The following ASH1L variants were observed in gnomAD, a reference collection of about 807,000 sequenced individuals.
ASH1L encodes histone-lysine N-methyltransferase ASH1L.
In ASH1L, 23 loss-of-function variants were observed where a neutral mutation model predicts 269.0. The ratio of observed to expected loss-of-function variants is 0.09; its 90% CI spans 0.06 to 0.12. ASH1L has a LOEUF of 0.12. Among genes scored for constraint, ASH1L ranks in the 10% least tolerant of loss-of-function variants. The pLI, the probability that ASH1L is intolerant of heterozygous loss-of-function variation, is 1.00. For missense variants in ASH1L, 2,912 were observed against 3,567.8 expected (o/e 0.82, Z 4.68); for synonymous variants, 1,187 against 1,253.5 (o/e 0.95, Z 1.12).
chr1:155,420,223 G>C (rs1277811879), intron 5 of ASH1L, among the ~76,000 whole-genome samples: 1 of 151,680 alleles, frequency 6.6e-6, no homozygotes, highest in African/African-American at 2.4e-5. Context: ...TTCTCAGGAA[G>C]CTGAGGCAGG....
At chr1:155,459,998 A>G in intron 3 of ASH1L, 100 bp from the exon 4 acceptor site, 1 of 816,864 alleles carries the variant, frequency 1.2e-6, no homozygotes. Context: ...AGTTGCTGCC[A>G]CTGTCATCCC....
At chr1:155,520,547 C>T (rs545380824) in intron 2 of ASH1L, among the ~76,000 whole-genome samples, 104 of 152,068 alleles carry the variant, frequency 6.8e-4, no homozygotes, top group African/African-American at 2.4e-3. Flanking sequence ...AATCCCAGCA[C>T]TTTGGAGTTT....
intron 6 of ASH1L, among the ~76,000 whole-genome samples, chr1:155,406,510 C>G (rs1659304583): frequency 6.6e-6 from 1 of 152,096 alleles, no homozygotes; most frequent in Non-Finnish European, 1.5e-5. Flanking sequence ...TTCGAGACAG[C>G]CTGGGCAACA....
intron 15 of ASH1L, among the ~76,000 whole-genome samples, chr1:155,356,934 T>TAA (rs34364477): frequency 1.1e-4 from 16 of 141,484 alleles, no homozygotes; most frequent in East Asian, 1.0e-3. Context: ...ACAAAAAATT[T>TAA]AAAAAAAAAA....
intron 12 of ASH1L, among the ~76,000 whole-genome samples, chr1:155,367,993 TTTC>T (rs1456515444): frequency 6.6e-6 from 1 of 152,140 alleles, no homozygotes; most frequent in African/African-American, 2.4e-5. Context: ...ACTGCCATTA[TTTC>T]TTCTTCTTCG....
chr1:155,441,343 C>A (rs1301151871), intron 4 of ASH1L, among the ~76,000 whole-genome samples: 1 of 151,394 alleles, frequency 6.6e-6, no homozygotes, highest in Non-Finnish European at 1.5e-5. Flanking sequence ...TGGATTCAAG[C>A]TTCCAAGCTG....
chr1:155,451,797 C>T (rs974762700), intron 4 of ASH1L, among the ~76,000 whole-genome samples: 2 of 152,142 alleles, frequency 1.3e-5, no homozygotes, highest in African/African-American at 2.4e-5. Context: ...TCTCAGCTCA[C>T]GGCAGCCTCC....
chr1:155,554,876 T>C (rs571194231), intron 1 of ASH1L, among the ~76,000 whole-genome samples: 1 of 152,064 alleles, frequency 6.6e-6, no homozygotes, highest in African/African-American at 2.4e-5. Flanking sequence ...GTGTGGTGGC[T>C]CACACCTGTA....
intron 15 of ASH1L, 49 bp from the exon 16 acceptor site, chr1:155,354,679 A>G: frequency 1.3e-6 from 2 of 1,552,636 alleles, no homozygotes; most frequent in Non-Finnish European, 8.8e-7. Flanking sequence ...TTAAATAAGC[A>G]TGTATTACAT....
At chr1:155,498,875 G>T (rs1432169433) in intron 2 of ASH1L, among the ~76,000 whole-genome samples, 1 of 149,536 alleles carries the variant, frequency 6.7e-6, no homozygotes, top group Non-Finnish European at 1.5e-5. Context: ...TTCAGTTTGT[G>T]GCATATAATC....
intron 2 of ASH1L, among the ~76,000 whole-genome samples, chr1:155,502,743 C>T (rs1667595852): frequency 6.6e-6 from 1 of 152,060 alleles, no homozygotes; most frequent in Admixed American, 6.6e-5. Context: ...CTTTCCATTC[C>T]CTCATCCTCC....
Position 155,342,032 on chromosome 1 carries a change from C to G in ASH1L, c.8364G>C (p.Leu2788=), listed in dbSNP as rs746238598. The G allele has an allele frequency of 1.2e-6, 2 of 1,614,080 alleles. No homozygotes were observed. Among genetic ancestry groups the G allele is most frequent in the Non-Finnish European group, 1.7e-6 (2 of 1,180,022 alleles). The part of the protein sequence containing the change: ...CDYRLDKSAH[L]FYKIHRNRYP... ...AGCGGTTCCGGTGGATCTTGTAAAA[C>G]AGGTGTGCTGACTTGTCAAGCCGAT... Residue 2788 remains leucine, a synonymous_variant, in exon 25 of 28, where the codon CTG becomes CTC. Transcript: ENST00000392403.
intron 10 of ASH1L, among the ~76,000 whole-genome samples, chr1:155,376,061 G>A (rs556738765): frequency 1.3e-5 from 2 of 152,342 alleles, no homozygotes; most frequent in African/African-American, 4.8e-5. Context: ...CTGTGATGGC[G>A]ACACTGCACT....
intron 1 of ASH1L, among the ~76,000 whole-genome samples, chr1:155,527,906 G>T (rs1368583872): frequency 6.6e-6 from 1 of 151,970 alleles, no homozygotes; most frequent in African/African-American, 2.4e-5. Context: ...TCCTTTGCAG[G>T]TTCTTTCCTT....
At chr1:155,338,031 C>A in intron 27 of ASH1L, 58 bp downstream of exon 27, 1 of 1,522,438 alleles carries the variant, frequency 6.6e-7, no homozygotes, top group South Asian at 1.3e-5. Context: ...AATTTTTTTC[C>A]ATTCCCTCTC....
chr1:155,343,498 G>A lies in ASH1L; in HGVS notation c.8121-12C>T. 1 of 1,613,470 alleles carries A rather than the reference G, an allele frequency of 6.2e-7. No homozygotes were observed. The highest frequency in any genetic ancestry group is 8.5e-7 in the Non-Finnish European group (1 of 1,179,560). On this transcript the variant is annotated splice_polypyrimidine_tract_variant and intron_variant, in intron 23 of 27. Coordinates refer to ENST00000392403, the MANE Select transcript of ASH1L (RefSeq NM_018489.3). This position sits in a 1 kb window ranked among gnomAD's most constrained non-coding sequence, Gnocchi z 6.1. ...CAAACCGTTCCTCTCTAAAACAATG[G>A]AAAAGTGAGAAGGGAGAGGTTTAGC...
intron 6 of ASH1L, chr1:155,396,428 C>G (rs966293454): frequency 3.3e-5 from 5 of 152,060 alleles, no homozygotes; most frequent in African/African-American, 1.2e-4. Context: ...GGTTCTCCTG[C>G]CTTAGCTTCC....
intron 10 of ASH1L, among the ~76,000 whole-genome samples, chr1:155,375,914 G>A (rs979318635): frequency 6.6e-6 from 1 of 152,002 alleles, no homozygotes; most frequent in Non-Finnish European, 1.5e-5. Flanking sequence ...GCTAAGTATC[G>A]AGATCCCGTC....
rs10624841 is a variant in ASH1L, at chr1:155,545,175, CAAAAAAAAAAAAAA to C, written c.-100+16964_-100+16977del. Reference sequence around the variant, plus strand: ...CAAGAAGAGCAAAACTCCATCTCACCAAAAAAAAAAAAAAAAAAAAAAAAAAAAAAAAGCTATGT... The same window carrying C: ...CAAGAAGAGCAAAACTCCATCTCACCAAAAAAAAAAAAAAAAAAGCTATGT... On this transcript the variant is annotated intron_variant, in intron 1 of 27. Transcript: ENST00000392403. 4.7e-3 allele frequency among the ~76,000 whole-genome samples: 103 copies of C among 21,780 alleles called. 1 individual carries two copies. The highest frequency in any genetic ancestry group is 0.019 in the African/African-American group (89 of 4,636). The allele number at this position is 21,780 out of a possible 152,430, so 14.3% of individuals were successfully genotyped here.
Sources: gnomAD v4.1 joint callset for allele counts (sites outside exome capture counted in the v4.1 genomes callset) on GRCh38, gnomAD v4.1.1 for gene constraint, Gnocchi (gnomAD v3.1) non-coding constraint, MANE v1.5 for transcripts, NCBI Gene and HGNC (gene_info 2026-07-23, HGNC 2026-07-21) for gene names.